Variants in GPC3 observed in about 807,000 individuals in gnomAD.
GPC3 encodes the protein glypican-3.
Under a neutral mutation model 34.4 loss-of-function variants are expected in GPC3, and 3 were observed. The ratio of observed to expected loss-of-function variants is 0.09; its 90% CI spans 0.04 to 0.23. GPC3 has a LOEUF of 0.23. Among genes scored for constraint, GPC3 ranks in the 10% least tolerant of loss-of-function variants. GPC3 has a pLI of 1.00. For missense variants in GPC3, 351 were observed against 445.6 expected, an observed-to-expected ratio of 0.79 and a Z score of 1.91; for synonymous variants, 177 against 174.0, an observed-to-expected ratio of 1.02 and a Z score of -0.13.
chrX:133,903,983 G>A (rs2076157254), intron 2 of GPC3, among the ~76,000 whole-genome samples: 2 of 112,021 alleles, frequency 1.8e-5, no homozygotes, highest in Non-Finnish European at 3.8e-5. Flanking sequence ...GGCCACAAGA[G>A]CTTCATCCAG....
chrX:133,677,358 T>C (rs2070894629), intron 5 of GPC3, among the ~76,000 whole-genome samples: 1 of 112,213 alleles, frequency 8.9e-6, no homozygotes, highest in South Asian at 3.8e-4. Flanking sequence ...GGTAGCTTTA[T>C]GGTGTTCCCT....
At position 133,661,188 on chromosome X, in the gene GPC3, C is replaced by CAA. The variant is rs200369860; in HGVS notation, c.1413+540_1413+541dup. Among the ~76,000 whole-genome samples the CAA allele has an allele frequency of 1.9e-3, 212 of 111,572 alleles. 1 individual carries two copies. The highest frequency in any genetic ancestry group is 6.6e-3 in the African/African-American group (203 of 30,688). On this transcript the variant is annotated intron_variant, in intron 6 of 7. Coordinates refer to ENST00000370818, the MANE Select transcript of GPC3 (RefSeq NM_004484.4). ...TGTCTCAAAACAATACAAAACAAAA[C>CAA]AACAATAACAAAAAGATTTGTGACA... is the stretch of plus-strand genomic sequence containing the variant.
intron 2 of GPC3, among the ~76,000 whole-genome samples, chrX:133,912,495 A>T (rs1273494769): frequency 9.6e-6 from 1 of 104,304 alleles, no homozygotes; most frequent in Non-Finnish European, 2.0e-5. Flanking sequence ...GGCTTGGGAG[A>T]TTTTGAAGGA....
intron 6 of GPC3, among the ~76,000 whole-genome samples, chrX:133,627,197 G>T (rs1332755419): frequency 1.0e-5 from 1 of 99,941 alleles, no homozygotes. Context: ...ATAGCATTAG[G>T]AGATATACCT....
chrX:133,738,454 A>G (rs1002180526), intron 3 of GPC3, among the ~76,000 whole-genome samples: 13 of 112,236 alleles, frequency 1.2e-4, no homozygotes, highest in Non-Finnish European at 2.4e-4. Context: ...CAGACAAGTA[A>G]ATTTAAGGAC....
At chrX:133,749,084 C>T (rs2071635220) in intron 3 of GPC3, among the ~76,000 whole-genome samples, 1 of 111,036 alleles carries the variant, frequency 9.0e-6, no homozygotes, top group Non-Finnish European at 1.9e-5. Flanking sequence ...ATAGTGAAAC[C>T]CCGTCTCTAC....
chrX:133,788,699 TCTC>T (rs1476751575), intron 2 of GPC3, among the ~76,000 whole-genome samples: 6 of 98,058 alleles, frequency 6.1e-5, no homozygotes, highest in African/African-American at 7.5e-5. Flanking sequence ...TCCTCCTCCC[TCTC>T]CTCCTCCTCC....
At chrX:133,567,480 C>T (rs1643579558) in intron 7 of GPC3, among the ~76,000 whole-genome samples, 1 of 111,984 alleles carries the variant, frequency 8.9e-6, no homozygotes, top group Non-Finnish European at 1.9e-5. Flanking sequence ...ACTCATATCC[C>T]CCTTGGCAGT....
intron 7 of GPC3, among the ~76,000 whole-genome samples, chrX:133,542,574 C>A (rs1320890674): frequency 2.7e-5 from 3 of 112,393 alleles, no homozygotes; most frequent in African/African-American, 9.7e-5. Flanking sequence ...GAAAACGCTA[C>A]TGCTGAGCCA....
chrX:133,758,362 T>G (rs2071750084), intron 2 of GPC3, among the ~76,000 whole-genome samples: 1 of 111,813 alleles, frequency 8.9e-6, no homozygotes, highest in Non-Finnish European at 1.9e-5. Flanking sequence ...TGGAATACTA[T>G]GCAGCCATAA....
intron 1 of GPC3, among the ~76,000 whole-genome samples, chrX:133,958,372 C>T (rs6638145): frequency 1.8e-5 from 2 of 109,071 alleles, no homozygotes; most frequent in Admixed American, 2.0e-4. Flanking sequence ...GAGACCCCGT[C>T]TCTATAAAAA....
intron 3 of GPC3, among the ~76,000 whole-genome samples, chrX:133,714,110 T>G (rs1009025844): frequency 1.3e-4 from 14 of 111,663 alleles, no homozygotes; most frequent in Non-Finnish European, 2.3e-4. Context: ...CTTGCCAACT[T>G]CTTGTACAGT....
At chrX:133,836,699 G>C (rs998818015) in intron 2 of GPC3, among the ~76,000 whole-genome samples, 2 of 112,235 alleles carry the variant, frequency 1.8e-5, no homozygotes, top group African/African-American at 6.5e-5. Context: ...CTAAACCAGA[G>C]TCAGGTGCAG....
chrX:133,604,070 A>T (rs2070018904), intron 6 of GPC3, among the ~76,000 whole-genome samples: 1 of 111,455 alleles, frequency 9.0e-6, no homozygotes, highest in African/African-American at 3.3e-5. Flanking sequence ...TCTCTCACAT[A>T]ATCCTCAATA....
intron 7 of GPC3, among the ~76,000 whole-genome samples, chrX:133,584,258 G>T (rs1036262338): frequency 4.6e-4 from 52 of 111,975 alleles, no homozygotes; most frequent in Non-Finnish European, 8.8e-4. Flanking sequence ...TACGTACTGA[G>T]AGTCACTGAG....
chrX:133,950,397 C>CAT (rs757895116), intron 2 of GPC3, among the ~76,000 whole-genome samples: 7 of 112,008 alleles, frequency 6.2e-5, no homozygotes, highest in African/African-American at 2.3e-4. Context: ...GAACTGTGCA[C>CAT]ATATTTGCAG....
At chrX:133,889,831 CTTTTTTTT>C (rs781203121) in intron 2 of GPC3, among the ~76,000 whole-genome samples, 2 of 75,805 alleles carry the variant, frequency 2.6e-5, no homozygotes, top group African/African-American at 9.6e-5. Flanking sequence ...TTCTAGCCTT[CTTTTTTTT>C]TTTTTTTTTT....
chrX:133,539,978 C>T (rs1383466587), intron 7 of GPC3, among the ~76,000 whole-genome samples: 2 of 112,635 alleles, frequency 1.8e-5, no homozygotes, highest in Non-Finnish European at 3.7e-5. Context: ...TCAAGCATCA[C>T]AGTTGAGGGT....
chrX:133,852,308 C>T (rs2075877441), intron 2 of GPC3, among the ~76,000 whole-genome samples: 2 of 111,634 alleles, frequency 1.8e-5, no homozygotes, highest in Non-Finnish European at 3.8e-5. Flanking sequence ...TTCCTGCCTC[C>T]TCTCAAAGCT....
Sources: allele counts gnomAD v4.1 joint callset (sites outside exome capture counted in the v4.1 genomes callset), GRCh38; gene constraint gnomAD v4.1.1; transcripts MANE v1.5; gene names NCBI Gene and HGNC (gene_info 2026-07-23, HGNC 2026-07-21).